The following GALK2 variants were observed in gnomAD, a reference collection of about 807,000 sequenced individuals.
The protein encoded by GALK2 is N-acetylgalactosamine kinase.
In GALK2, 36 loss-of-function variants were observed where a neutral mutation model predicts 52.4. That is an observed-to-expected ratio of 0.69 (90% CI 0.53 to 0.91). GALK2 has a LOEUF of 0.91. Among genes scored for constraint, GALK2 ranks in the 40% least tolerant of loss-of-function variants. GALK2 has a pLI of 0.00. For missense variants in GALK2, 579 were observed against 559.1 expected, an observed-to-expected ratio of 1.04 and a Z score of -0.36; for synonymous variants, 176 against 199.1, an observed-to-expected ratio of 0.88 and a Z score of 0.98.
chr15:49,310,459 T>A (rs2035897567), intron 8 of GALK2, among the ~76,000 whole-genome samples: 1 of 152,210 alleles, frequency 6.6e-6, no homozygotes, highest in African/African-American at 2.4e-5. Context: ...TAGAAACCTC[T>A]ATACTGTTTT....
chr15:49,283,600 C>T lies in GALK2; in HGVS notation c.638C>T (p.Thr213Ile), dbSNP rs745694860. 1.2e-6 allele frequency: 2 copies of T among 1,613,700 alleles called. No homozygotes were observed. The highest frequency in any genetic ancestry group is 8.5e-7 in the Non-Finnish European group (1 of 1,179,782). Residue 213 changes from threonine (T) to isoleucine (I), a missense_variant, in exon 7 of 10, where the codon ACC becomes ATC. Coordinates refer to ENST00000560031, the MANE Select transcript of GALK2 (RefSeq NM_002044.4). ...KLIEFSPLRA[T>I]DVKLPSGAVF... ...ATAGAATTTAGTCCTCTGAGGGCAA[C>T]CGATGTAAAACTCCCAAGTGGAGCA... is the stretch of plus-strand genomic sequence containing the variant.
intron 1 of GALK2, among the ~76,000 whole-genome samples, chr15:49,184,039 G>T (rs2086168949): frequency 6.6e-6 from 1 of 152,106 alleles, no homozygotes. Flanking sequence ...CTGTCTGGAT[G>T]ATCTGTCCAA....
intron 2 of GALK2, among the ~76,000 whole-genome samples, chr15:49,209,606 C>T (rs1405572106): frequency 6.6e-6 from 1 of 151,992 alleles, no homozygotes; most frequent in Non-Finnish European, 1.5e-5. Flanking sequence ...GGGTTTTGTC[C>T]TTCATTCTGT....
chr15:49,292,512 A>G lies in GALK2; in HGVS notation c.942A>G (p.Gln314=). Reference sequence around the variant, plus strand: ...TTAGCCTGGAGGAACTCCGAACCCAAATCCTGAGTCCAAACACTCAAGATG... The same window carrying G: ...TTAGCCTGGAGGAACTCCGAACCCAGATCCTGAGTCCAAACACTCAAGATG... ...LGISLEELRT[Q]ILSPNTQDVL... The change falls in exon 8 of 10, where the codon CAA becomes CAG. Residue 314 remains glutamine (Q), a synonymous_variant. Transcript: ENST00000560031. 1 of 1,613,946 alleles carries G rather than the reference A, an allele frequency of 6.2e-7. No homozygotes were observed.
In GALK2 at chr15:49,319,949, C is replaced by T; in HGVS notation, c.1169+144C>T. 5.8e-6 allele frequency: 4 copies of T among 691,568 alleles called. No homozygotes were observed. The East Asian group carries it at 1.1e-4, about 19-fold the overall frequency. 42.8% of individuals were successfully genotyped at this position (691,568 alleles called of 1,614,324 possible). Reference sequence around the variant, plus strand: ...AGGAGTCTCTGATGATACAGAGCTACACTTGTTCCCTTCTAAATACCTGTA... The same window carrying T: ...AGGAGTCTCTGATGATACAGAGCTATACTTGTTCCCTTCTAAATACCTGTA... On this transcript the variant is annotated intron_variant, in intron 9 of 9. Transcript: ENST00000560031.
intron 3 of GALK2, among the ~76,000 whole-genome samples, chr15:49,220,514 T>C (rs1469261614): frequency 6.6e-6 from 1 of 152,196 alleles, no homozygotes; most frequent in Non-Finnish European, 1.5e-5. Context: ...TCCCTATCTT[T>C]GCTATTGTGA....
At chr15:49,300,919 A>G (rs151060331) in intron 8 of GALK2, among the ~76,000 whole-genome samples, 3 of 152,258 alleles carry the variant, frequency 2.0e-5, no homozygotes, top group African/African-American at 7.2e-5. Flanking sequence ...TTGGTGGGCT[A>G]TGTACTTAAA....
intron 2 of GALK2, among the ~76,000 whole-genome samples, chr15:49,206,091 G>A (rs927156622): frequency 5.9e-5 from 9 of 152,140 alleles, no homozygotes; most frequent in South Asian, 2.1e-4. Context: ...ATTGGTCTAC[G>A]TGCCTATTTT....
chr15:49,298,014 G>A (rs2034634905), intron 8 of GALK2, among the ~76,000 whole-genome samples: 1 of 152,004 alleles, frequency 6.6e-6, no homozygotes, highest in African/African-American at 2.4e-5. Context: ...GGGCAGTATG[G>A]CCATTTTGAT....
At chr15:49,230,452 C>G (rs1448303353) in intron 3 of GALK2, among the ~76,000 whole-genome samples, 3 of 152,216 alleles carry the variant, frequency 2.0e-5, no homozygotes, top group African/African-American at 7.2e-5. Flanking sequence ...GATTTCCTCT[C>G]CTTCCTTGCC....
chr15:49,308,125 A>T (rs1000375900), intron 8 of GALK2, among the ~76,000 whole-genome samples: 1 of 152,216 alleles, frequency 6.6e-6, no homozygotes, highest in African/African-American at 2.4e-5. Flanking sequence ...TATATTGCTT[A>T]AATGCTCCAA....
intron 3 of GALK2, among the ~76,000 whole-genome samples, chr15:49,357,980 C>A (rs2043469323): frequency 6.6e-6 from 1 of 151,902 alleles, no homozygotes; most frequent in African/African-American, 2.4e-5. Context: ...GAGCCAAAGA[C>A]AAAAACCACA....
At chr15:49,365,909 T>G in intron 3 of GALK2, 1 of 965,062 alleles carries the variant, frequency 1.0e-6, no homozygotes, top group East Asian at 2.4e-5. Context: ...TTGTACAGAC[T>G]CATTGCTGAT....
chr15:49,170,436 C>A, intron 1 of GALK2, 61 bp downstream of exon 1: 1 of 1,496,922 alleles, frequency 6.7e-7, no homozygotes, highest in Non-Finnish European at 9.0e-7. Flanking sequence ...TAGATCGGGT[C>A]CACAGCACTT....
intron 8 of GALK2, among the ~76,000 whole-genome samples, chr15:49,311,930 A>G (rs1286686551): frequency 6.6e-6 from 1 of 152,022 alleles, no homozygotes; most frequent in Non-Finnish European, 1.5e-5. Context: ...ATTCGACATG[A>G]CTCTTCAGAG....
chr15:49,156,371 C>T (rs1267311533), intron 1 of GALK2: 1 of 409,556 alleles, frequency 2.4e-6, no homozygotes, highest in Non-Finnish European at 4.7e-6. Flanking sequence ...TCAAGAGAAC[C>T]GAGCGGAAAG....
intron 8 of GALK2, among the ~76,000 whole-genome samples, chr15:49,303,225 A>G (rs1421629680): frequency 6.6e-6 from 1 of 152,204 alleles, no homozygotes; most frequent in Non-Finnish European, 1.5e-5. Context: ...TGTGTGCGTG[A>G]TATGTCCCTA....
intron 2 of GALK2, among the ~76,000 whole-genome samples, chr15:49,211,156 A>G (rs765853277): frequency 6.6e-6 from 1 of 152,204 alleles, no homozygotes; most frequent in East Asian, 1.9e-4. Flanking sequence ...TACATCTTGA[A>G]TGCTTTGCTG....
chr15:49,365,402 ACAT>A, intron 3 of GALK2: 1 of 1,093,790 alleles, frequency 9.1e-7, no homozygotes. Context: ...ACCAGTCTAA[ACAT>A]CAACTCTTCT....
Sources: allele counts gnomAD v4.1 joint callset (sites outside exome capture counted in the v4.1 genomes callset), GRCh38; gene constraint gnomAD v4.1.1; transcripts MANE v1.5; gene names NCBI Gene and HGNC (gene_info 2026-07-23, HGNC 2026-07-21).